Variants in RASSF9 observed in about 807,000 individuals in gnomAD.
RASSF9 encodes the protein Ras association domain family member 9, also known as ras association domain-containing protein 9.
Under a neutral mutation model 21.4 loss-of-function variants are expected in RASSF9, and 18 were observed. That is an observed-to-expected ratio of 0.84 (90% CI 0.58 to 1.25). The LOEUF (loss-of-function observed/expected upper bound fraction) is 1.25. RASSF9 is among the 50% of genes most tolerant of loss of function. The pLI is 0.00. For synonymous variants in RASSF9, 183 were observed against 179.1 expected (o/e 1.02, Z -0.18); for missense variants, 480 against 503.2 (o/e 0.95, Z 0.44).
chr12:85,812,827 A>G (rs1395131419), intron 1 of RASSF9, among the ~76,000 whole-genome samples: 2 of 151,722 alleles, frequency 1.3e-5, no homozygotes, highest in Non-Finnish European at 3.0e-5. Flanking sequence ...GTAGTTAGCA[A>G]TATTATTTTA....
In RASSF9 at chr12:85,836,258, G is replaced by T; in HGVS notation, c.-57C>A. 4 of 1,371,226 alleles carry T rather than the reference G, an allele frequency of 2.9e-6. No individual in the cohort carries two copies. Among genetic ancestry groups the T allele is most frequent in the South Asian group, 2.5e-5 (2 of 80,140 alleles). 84.9% of individuals were successfully genotyped at this position (1,371,226 alleles called of 1,614,324 possible). A position where few individuals can be genotyped will look rare whatever the true frequency, so the allele number is the denominator to read the frequency against. ...CTTAAAGTGATCTGAGGGTGGGGGT[G>T]GGGGTGTCTGGATTTCCAGGGTGAA... On this transcript the variant is annotated 5_prime_UTR_variant, in exon 1 of 2. Coordinates refer to ENST00000361228, the MANE Select transcript of RASSF9 (RefSeq NM_005447.4).
At chr12:85,806,300 T>G (rs1394668414) in intron 1 of RASSF9, among the ~76,000 whole-genome samples, 1 of 151,064 alleles carries the variant, frequency 6.6e-6, no homozygotes, top group Non-Finnish European at 1.5e-5. Flanking sequence ...TCCACCCGTC[T>G]CGGCCTCCCA....
rs937162331 is a variant in RASSF9, at chr12:85,804,523, A to C, written c.*179T>G. On this transcript the variant is annotated 3_prime_UTR_variant, in exon 2 of 2. Coordinates refer to ENST00000361228, the MANE Select transcript of RASSF9 (RefSeq NM_005447.4). ...AAATAGTTCATTGCTTGAACTTGCA[A>C]TAATTAAAGTTCCTTTGGAAATTTC... is the stretch of plus-strand genomic sequence containing the variant. 1.0e-5 allele frequency: 6 copies of C among 579,704 alleles called. No individual in the cohort carries two copies. The highest frequency in any genetic ancestry group is 1.6e-5 in the Non-Finnish European group (6 of 364,308). 35.9% of individuals were successfully genotyped at this position (579,704 alleles called of 1,614,324 possible). A position where few individuals can be genotyped will look rare whatever the true frequency, so the allele number is the denominator to read the frequency against.
At chr12:85,816,204 T>C (rs936968271) in intron 1 of RASSF9, among the ~76,000 whole-genome samples, 2 of 151,608 alleles carry the variant, frequency 1.3e-5, no homozygotes, top group Non-Finnish European at 2.9e-5. Context: ...AACTAATGGG[T>C]ACTAGGCTTA....
At chr12:85,835,797 CT>C (rs1352631247) in intron 1 of RASSF9, among the ~76,000 whole-genome samples, 1 of 152,108 alleles carries the variant, frequency 6.6e-6, no homozygotes, top group Non-Finnish European at 1.5e-5. Flanking sequence ...CAAAATGACA[CT>C]TTTTATTGTA....
intron 1 of RASSF9, among the ~76,000 whole-genome samples, chr12:85,832,385 C>A (rs1880470737): frequency 6.6e-6 from 1 of 151,756 alleles, no homozygotes; most frequent in Non-Finnish European, 1.5e-5. Context: ...ACCTTACAAC[C>A]AAGTGTTCCA....
intron 1 of RASSF9, 110 bp downstream of exon 1, chr12:85,836,045 A>T (rs1417791751): frequency 6.5e-7 from 1 of 1,530,076 alleles, no homozygotes; most frequent in African/African-American, 1.4e-5. Flanking sequence ...TTTTTATCAG[A>T]ATCTAACAAC....
chr12:85,807,889 T>C (rs764990225), intron 1 of RASSF9, among the ~76,000 whole-genome samples: 29 of 152,270 alleles, frequency 1.9e-4, no homozygotes, highest in East Asian at 3.9e-4. Context: ...AATGCCTCTT[T>C]AAAAGAATGC....
intron 1 of RASSF9, among the ~76,000 whole-genome samples, chr12:85,819,436 C>T (rs1880160010): frequency 6.6e-6 from 1 of 152,088 alleles, no homozygotes; most frequent in Non-Finnish European, 1.5e-5. Flanking sequence ...TTCATTCCTG[C>T]ACCTGGAGAC....
intron 1 of RASSF9, among the ~76,000 whole-genome samples, chr12:85,806,369 TG>T (rs976665438): frequency 2.7e-5 from 4 of 148,828 alleles, no homozygotes; most frequent in African/African-American, 9.8e-5. Flanking sequence ...ATTTTTAAGT[TG>T]AGAATAAGAG....
chr12:85,823,321 CAT>C (rs1177660005), intron 1 of RASSF9, among the ~76,000 whole-genome samples: 2 of 152,074 alleles, frequency 1.3e-5, no homozygotes, highest in Non-Finnish European at 2.9e-5. Context: ...ACTGATCTGA[CAT>C]ATCCTCTTTG....
chr12:85,818,539 T>C (rs1880129293), intron 1 of RASSF9, among the ~76,000 whole-genome samples: 2 of 152,230 alleles, frequency 1.3e-5, no homozygotes, highest in African/African-American at 2.4e-5. Context: ...AATATATATT[T>C]ATCAACTACA....
At chr12:85,833,761 G>A (rs905486452) in intron 1 of RASSF9, among the ~76,000 whole-genome samples, 5 of 151,818 alleles carry the variant, frequency 3.3e-5, no homozygotes, top group African/African-American at 1.2e-4. Flanking sequence ...TATATCATAA[G>A]GCATATAAAT....
chr12:85,822,017 G>T (rs1464215353), intron 1 of RASSF9, among the ~76,000 whole-genome samples: 1 of 152,116 alleles, frequency 6.6e-6, no homozygotes, highest in Non-Finnish European at 1.5e-5. Context: ...CTGGGAGGTT[G>T]CTAAAGTGCC....
chr12:85,825,528 G>A (rs187865152), intron 1 of RASSF9, among the ~76,000 whole-genome samples: 34 of 152,158 alleles, frequency 2.2e-4, no homozygotes, highest in Non-Finnish European at 3.2e-4. Context: ...ATTTCATTAT[G>A]TATTATCTAT....
chr12:85,827,024 T>C (rs1880349607), intron 1 of RASSF9, among the ~76,000 whole-genome samples: 1 of 152,188 alleles, frequency 6.6e-6, no homozygotes, highest in Non-Finnish European at 1.5e-5. Flanking sequence ...GATTCTAGTA[T>C]AGACGCTGTT....
At position 85,805,639 on chromosome 12, in the gene RASSF9, G is replaced by A. The variant is rs1391266717; in HGVS notation, c.371C>T (p.Pro124Leu). Residue 124 changes from proline (P) to leucine (L), a missense_variant, in exon 2 of 2, where the codon CCT becomes CTT. By Grantham distance (98) the Pro-to-Leu change is moderately conservative (BLOSUM62 -3). Transcript: ENST00000361228. Reference sequence around the variant, plus strand: ...TTTGGCTTCAGCTGTCCGCCACAAAGGAACTGGAAGAAAAGCATCTGCTTT... The same window carrying A: ...TTTGGCTTCAGCTGTCCGCCACAAAAGAACTGGAAGAAAAGCATCTGCTTT... The part of the protein sequence containing the change: ...LVKADAFLPV[P>L]LWRTAEAKLV... The A allele has an allele frequency of 1.9e-6, 3 of 1,613,970 alleles. No individual in the cohort carries two copies. The South Asian group carries it at 3.3e-5, about 18-fold the overall frequency.
intron 1 of RASSF9, among the ~76,000 whole-genome samples, chr12:85,822,336 T>C (rs1232968360): frequency 1.3e-5 from 2 of 152,162 alleles, no homozygotes; most frequent in African/African-American, 4.8e-5. Flanking sequence ...AGTTATCCAG[T>C]TGGATAGCTG....
At chr12:85,819,037 T>A (rs1880150363) in intron 1 of RASSF9, among the ~76,000 whole-genome samples, 1 of 151,824 alleles carries the variant, frequency 6.6e-6, no homozygotes, top group Non-Finnish European at 1.5e-5. Flanking sequence ...AATATTGAAT[T>A]GCCCGTTCAA....
Sources: gnomAD v4.1 joint callset for allele counts (sites outside exome capture counted in the v4.1 genomes callset) on GRCh38, gnomAD v4.1.1 for gene constraint, MANE v1.5 for transcripts, NCBI Gene and HGNC (gene_info 2026-07-23, HGNC 2026-07-21) for gene names.